The following TK2 variants were observed in gnomAD, a reference collection of about 807,000 sequenced individuals.
TK2 encodes the protein thymidine kinase 2, mitochondrial.
TK2 carries 35 observed loss-of-function variants against 41.9 expected under a neutral mutation model. The observed-to-expected ratio is 0.84, with a 90% CI of 0.64 to 1.11. The LOEUF (loss-of-function observed/expected upper bound fraction) is 1.11, where lower values mean the gene tolerates loss of function less well. Ranked by LOEUF, TK2 falls within the 50% of genes least tolerant of loss-of-function variation. The pLI, the probability that TK2 is intolerant of heterozygous loss-of-function variation, is 0.00. For synonymous variants in TK2, 128 were observed against 129.1 expected, an observed-to-expected ratio of 0.99 and a Z score of 0.06; for missense variants, 320 against 351.1, an observed-to-expected ratio of 0.91 and a Z score of 0.71.
Position 66,516,978 on chromosome 16 carries a change from C to T in TK2, c.618+158G>A, listed in dbSNP as rs564099518. Among the ~76,000 whole-genome samples, 3 of 152,186 alleles carry T rather than the reference C, an allele frequency of 2.0e-5. No individual in the cohort carries two copies. In the South Asian group the frequency reaches 6.2e-4, roughly 32 times the overall value. ...ACATCCACGTGGGTCTCTGGCCAAA[C>T]AGGAAGTCAGAGTTCACCCTCTGAT... On this transcript the variant is annotated intron_variant, in intron 8 of 9. Coordinates refer to ENST00000544898, the MANE Select transcript of TK2 (RefSeq NM_004614.5).
chr16:66,531,600 G>A, intron 4 of TK2, 131 bp from the exon 5 acceptor site: 1 of 805,332 alleles, frequency 1.2e-6, no homozygotes, highest in East Asian at 2.7e-5. Context: ...AACCCAGCAT[G>A]ATCACAGGGC....
chr16:66,531,070 G>T (rs1418411198), intron 5 of TK2, among the ~76,000 whole-genome samples: 1 of 152,148 alleles, frequency 6.6e-6, no homozygotes, highest in Non-Finnish European at 1.5e-5. Context: ...TCCGCTGCTG[G>T]TCCAGGGACC....
At chr16:66,531,122 AGT>A (rs1181070417) in intron 5 of TK2, among the ~76,000 whole-genome samples, 1 of 152,228 alleles carries the variant, frequency 6.6e-6, no homozygotes, top group Non-Finnish European at 1.5e-5. Flanking sequence ...TAAGCCCAGC[AGT>A]GGTCAGGTCA....
chr16:66,531,711 G>A (rs1965119170), intron 4 of TK2, among the ~76,000 whole-genome samples: 2 of 152,190 alleles, frequency 1.3e-5, no homozygotes, highest in South Asian at 4.1e-4. Flanking sequence ...GGGACCGGAG[G>A]AATTAGGCCA....
intron 6 of TK2, among the ~76,000 whole-genome samples, chr16:66,522,860 G>T (rs536742793): frequency 6.6e-6 from 1 of 151,946 alleles, no homozygotes; most frequent in Non-Finnish European, 1.5e-5. Flanking sequence ...GCAAAACTCC[G>T]TCTCAAAAAA....
chr16:66,518,090 C>CA (rs1964670403), intron 6 of TK2: 1 of 611,274 alleles, frequency 1.6e-6, no homozygotes, highest in African/African-American at 1.8e-5. Context: ...CACAATGCTG[C>CA]AAGGGCCATG....
rs1468152291 is a variant in TK2, at chr16:66,517,074, A to C, written c.618+62T>G. On this transcript the variant is annotated intron_variant, in intron 8 of 9. Coordinates refer to ENST00000544898, the MANE Select transcript of TK2 (RefSeq NM_004614.5). This position sits in a 1 kb window ranked among gnomAD's most constrained non-coding sequence, Gnocchi z 4.3. ...TCATGGGGGTGGGGCCGGGAGAGGA[A>C]GCCGGGTTGGACAGAGGTGGTTTCC... 3.4e-6 allele frequency: 5 copies of C among 1,460,046 alleles called. No homozygotes were observed. In the Admixed American group the frequency reaches 5.0e-5, roughly 15 times the overall value. 90.4% of individuals were successfully genotyped at this position (1,460,046 alleles called of 1,614,324 possible). A position where few individuals can be genotyped will look rare whatever the true frequency, so the allele number is the denominator to read the frequency against.
In TK2 at chr16:66,508,297, A is replaced by T. The variant is rs1964351965; in HGVS notation, c.*3671T>A. Reference sequence around the variant, plus strand: ...ACCATCTTATGTAAACTAAAGGAACACGAAATTCACTCTAGCCTTAGGAAA... The same window carrying T: ...ACCATCTTATGTAAACTAAAGGAACTCGAAATTCACTCTAGCCTTAGGAAA... On this transcript the variant is annotated 3_prime_UTR_variant, in exon 10 of 10. Coordinates refer to ENST00000544898, the MANE Select transcript of TK2 (RefSeq NM_004614.5). 1 of 152,276 alleles carries T rather than the reference A, an allele frequency of 6.6e-6. No individual in the cohort carries two copies. Among genetic ancestry groups the T allele is most frequent in the Admixed American group, 6.5e-5 (1 of 15,292 alleles). The allele number at this position is 152,276 out of a possible 1,614,324, so 9.4% of individuals were successfully genotyped here. A position where few individuals can be genotyped will look rare whatever the true frequency, so the allele number is the denominator to read the frequency against.
intron 8 of TK2, among the ~76,000 whole-genome samples, chr16:66,515,484 G>A (rs1468114401): frequency 2.0e-5 from 3 of 152,242 alleles, no homozygotes; most frequent in Non-Finnish European, 2.9e-5. Context: ...GCAGATACTC[G>A]TGCTCTCCCA....
chr16:66,536,980 C>T lies in TK2; in HGVS notation c.269G>A (p.Arg90His), dbSNP rs762503733. The change falls in exon 4 of 10, where the codon CGT (arginine) becomes CAT (histidine). Residue 90 changes from arginine (R) to histidine (H), a missense_variant. Arg to His is a conservative substitution (Grantham distance 29). Coordinates refer to ENST00000544898, the MANE Select transcript of TK2 (RefSeq NM_004614.5). ...TEPVSKWRNVRGHNPLGLMYH... is the reference protein window; with the variant it reads ...TEPVSKWRNVHGHNPLGLMYH... ...CCCACTCACCAGAGGATTGTGGCCA[C>T]GGACATTTCTCCACTTGGACACAGG... The T allele has an allele frequency of 8.1e-6, 13 of 1,613,912 alleles. No individual in the cohort carries two copies. Among genetic ancestry groups the T allele is most frequent in the East Asian group, 6.7e-5 (3 of 44,876 alleles).
At chr16:66,535,562 C>T (rs1965251492) in intron 4 of TK2, among the ~76,000 whole-genome samples, 1 of 152,140 alleles carries the variant, frequency 6.6e-6, no homozygotes, top group Non-Finnish European at 1.5e-5. Context: ...GAGGTTTTGC[C>T]TTATTTAAGA....
At chr16:66,532,569 T>C (rs1391856469) in intron 4 of TK2, among the ~76,000 whole-genome samples, 1 of 151,816 alleles carries the variant, frequency 6.6e-6, no homozygotes, top group Non-Finnish European at 1.5e-5. Flanking sequence ...CGTACCACTG[T>C]ACTCCAGCCT....
chr16:66,545,752 C>T (rs942352164), intron 2 of TK2, among the ~76,000 whole-genome samples: 3 of 151,148 alleles, frequency 2.0e-5, no homozygotes, highest in South Asian at 2.1e-4. Flanking sequence ...TGAACCCTGG[C>T]GGCGGAGGTT....
At position 66,513,786 on chromosome 16, in the gene TK2, A is replaced by G. The variant is rs281865497; in HGVS notation, c.644T>C (p.Leu215Pro). ...GCCTTTGATGAGCCACTCCTCATGGAGATGGTGAATTGCTTCCAGGTATTC... is the reference window on the plus strand; with the variant it reads ...GCCTTTGATGAGCCACTCCTCATGGGGATGGTGAATTGCTTCCAGGTATTC... ...PLEYLEAIHH[L>P]HEEWLIKGSL... The change falls in exon 9 of 10, where the codon CTC (leucine) becomes CCC (proline). Residue 215 changes from leucine to proline, a missense_variant. Transcript: ENST00000544898. 2 of 1,613,990 alleles carry G rather than the reference A, an allele frequency of 1.2e-6. No individual in the cohort carries two copies. The highest frequency in any genetic ancestry group is 1.7e-6 in the Non-Finnish European group (2 of 1,180,016).
chr16:66,513,670 A>G, intron 9 of TK2, 61 bp downstream of exon 9: 2 of 1,521,196 alleles, frequency 1.3e-6, no homozygotes, highest in South Asian at 2.3e-5. Flanking sequence ...GGTGGCTGAC[A>G]TTCCCCGGGT....
rs77868511 is a variant in TK2, at chr16:66,510,321, C to A, written c.*1647G>T. On this transcript the variant is annotated 3_prime_UTR_variant, in exon 10 of 10. Coordinates refer to ENST00000544898, the MANE Select transcript of TK2 (RefSeq NM_004614.5). ...TCATTTACAAATTCTCAAAGACAGA[C>A]CCCACATGTCAAGATTCCTGGTAGC... 32 of 152,192 alleles carry A rather than the reference C, an allele frequency of 2.1e-4. No individual in the cohort carries two copies. The East Asian group carries it at 6.2e-3, about 29-fold the overall frequency. 9.4% of individuals were successfully genotyped at this position (152,192 alleles called of 1,614,324 possible). A position where few individuals can be genotyped will look rare whatever the true frequency, so the allele number is the denominator to read the frequency against.
intron 8 of TK2, among the ~76,000 whole-genome samples, chr16:66,515,252 A>G (rs1567524514): frequency 6.6e-6 from 1 of 151,848 alleles, no homozygotes; most frequent in East Asian, 1.9e-4. Context: ...CAGTTCCTTC[A>G]GGCAGGGGCC....
At chr16:66,545,085 C>A (rs534966680) in intron 2 of TK2, among the ~76,000 whole-genome samples, 1 of 146,732 alleles carries the variant, frequency 6.8e-6, no homozygotes, top group Admixed American at 6.7e-5. Flanking sequence ...CAGAGTGAGA[C>A]CCTGTCTTCA....
rs1964530873 is a variant in TK2 at position 66,514,005 on chromosome 16, A to C, written c.619-194T>G. 3.0e-6 allele frequency: 2 copies of C among 671,584 alleles called. No individual in the cohort carries two copies. The highest frequency in any genetic ancestry group is 3.1e-5 in the South Asian group (2 of 65,426). The allele number at this position is 671,584 out of a possible 1,614,324, so 41.6% of individuals were successfully genotyped here. On this transcript the variant is annotated intron_variant, in intron 8 of 9. Transcript: ENST00000544898. The surrounding 1 kb of genome is among the most constrained non-coding windows in gnomAD (Gnocchi z 4.2). ...CACACTCGGTGGCCAGGCTGAGCAA[A>C]ACAGCACAAGTGTCACCAGCCACCC... is the stretch of plus-strand genomic sequence containing the variant.
Sources: gnomAD v4.1 joint callset for allele counts (sites outside exome capture counted in the v4.1 genomes callset) on GRCh38, gnomAD v4.1.1 for gene constraint, Gnocchi (gnomAD v3.1) non-coding constraint, MANE v1.5 for transcripts, NCBI Gene and HGNC (gene_info 2026-07-23, HGNC 2026-07-21) for gene names.